TBX1: variants seen among roughly 807,000 people sequenced by gnomAD.
TBX1 encodes the protein T-box transcription factor 1.
A neutral mutation model predicts 40.8 loss-of-function variants in TBX1; 16 were observed. The observed-to-expected ratio is 0.39, with a 90% CI of 0.27 to 0.60. The LOEUF (loss-of-function observed/expected upper bound fraction) is 0.60, where lower values mean the gene tolerates loss of function less well. Among genes scored for constraint, TBX1 ranks in the 20% least tolerant of loss-of-function variants. The pLI, the probability that TBX1 is intolerant of heterozygous loss-of-function variation, is 0.51. For synonymous variants in TBX1, 403 were observed against 336.8 expected (o/e 1.20, Z -2.15); for missense variants, 755 against 728.5 (o/e 1.04, Z -0.42).
At chr22:19,777,167 C>G (rs1021476476) in intron 8 of TBX1, among the ~76,000 whole-genome samples, 1 of 151,932 alleles carries the variant, frequency 6.6e-6, no homozygotes, top group Non-Finnish European at 1.5e-5. Flanking sequence ...CCTATTAACT[C>G]GTCATTTAGC....
intron 3 of TBX1, 144 bp from the exon 4 acceptor site, chr22:19,764,814 C>A: frequency 9.8e-7 from 1 of 1,019,244 alleles, no homozygotes; most frequent in Non-Finnish European, 1.5e-6. Flanking sequence ...CCCAGTGACC[C>A]AGCCTCATCT....
At chr22:19,780,959 G>A (rs41298032), downstream of TBX1, among the ~76,000 whole-genome samples, 2,576 of 151,744 alleles carry the variant, frequency 0.017, 54 homozygotes, top group African/African-American at 0.054. Context: ...ATTTTTTGTA[G>A]TTTTAGTAGA....
chr22:19,760,502 C>T (rs1247086677), upstream of TBX1, among the ~76,000 whole-genome samples: 3 of 145,474 alleles, frequency 2.1e-5, no homozygotes, highest in East Asian at 6.1e-4. Flanking sequence ...CGCACGCGGG[C>T]GGGCGGCAGA....
upstream of TBX1, among the ~76,000 whole-genome samples, chr22:19,760,560 G>A (rs887116736): frequency 2.1e-5 from 3 of 140,758 alleles, no homozygotes; most frequent in African/African-American, 7.7e-5. Flanking sequence ...CGGTCCGGGC[G>A]GTCGGGGGGC....
Position 19,760,938 on chromosome 22 carries a change from C to A in TBX1, c.95C>A (p.Ala32Asp). ...FTASSLSSLG[A>D]AGGFPGAASP... ...GCCAGCAGCCTGAGCAGCCTGGGGGCCGCGGGGGGCTTCCCGGGCGCCGCG... is the reference window on the plus strand; with the variant it reads ...GCCAGCAGCCTGAGCAGCCTGGGGGACGCGGGGGGCTTCCCGGGCGCCGCG... The change falls in exon 1 of 7, where the codon GCC (alanine) becomes GAC (aspartate). Residue 32 changes from alanine to aspartate, a missense_variant. Physicochemically the swap from Ala to Asp is moderately radical, Grantham distance 126. Coordinates refer to ENST00000649276, the MANE Select transcript of TBX1 (RefSeq NM_001379200.1). 9.9e-7 allele frequency: 1 copy of A among 1,013,582 alleles called. No individual in the cohort carries two copies. The highest frequency in any genetic ancestry group is 3.4e-5 in the South Asian group (1 of 29,834). 62.8% of individuals were successfully genotyped at this position (1,013,582 alleles called of 1,614,324 possible).
chr22:19,762,968 T>C (rs906613627), intron 1 of TBX1, among the ~76,000 whole-genome samples: 5 of 152,164 alleles, frequency 3.3e-5, no homozygotes, highest in African/African-American at 1.2e-4. Flanking sequence ...TAGGCCAAGG[T>C]TGCCGAAGGT....
At chr22:19,772,395 T>C (rs1473042092) in intron 8 of TBX1, among the ~76,000 whole-genome samples, 1 of 152,234 alleles carries the variant, frequency 6.6e-6, no homozygotes, top group Non-Finnish European at 1.5e-5. Context: ...AGCCTCGAAC[T>C]CCGGGGCTCA....
At position 19,763,756 on chromosome 22, in the gene TBX1, G is replaced by T. The variant is rs1440091186; in HGVS notation, c.540-399G>T. 2.0e-5 allele frequency: 8 copies of T among 395,470 alleles called. No homozygotes were observed. In the East Asian group the frequency reaches 4.1e-4, roughly 20 times the overall value. The allele number at this position is 395,470 out of a possible 1,614,324, so 24.5% of individuals were successfully genotyped here. On this transcript the variant is annotated intron_variant, in intron 2 of 6. Transcript: ENST00000649276. ...GTGGCCAGGAGAGATTATGCAGGGCGGGCCTCAGCTGCCCGGACAATTAAC... is the reference window on the plus strand; with the variant it reads ...GTGGCCAGGAGAGATTATGCAGGGCTGGCCTCAGCTGCCCGGACAATTAAC...
downstream of TBX1, chr22:19,767,340 C>G (rs931505442): frequency 1.1e-5 from 11 of 988,256 alleles, no homozygotes; most frequent in African/African-American, 1.6e-4. Context: ...TGGAAGCCGC[C>G]TGCGTGTCCA....
chr22:19,765,420 A>C lies in TBX1; in HGVS notation c.867+307A>C, dbSNP rs41298830. 0.19 allele frequency among the ~76,000 whole-genome samples: 28,214 copies of C among 152,150 alleles called. 3,538 individuals are homozygous for C. The highest frequency in any genetic ancestry group is 0.48 in the East Asian group (2,485 of 5,134). ...GCCTGATCTGAGGTTTACCCAGATT[A>C]CTAGGGAACCCGCTCTGTTCCCCAC... On this transcript the variant is annotated intron_variant, in intron 4 of 6. Transcript: ENST00000649276.
At chr22:19,759,504 G>A (rs1292256920), upstream of TBX1, 21 of 1,500,268 alleles carry the variant, frequency 1.4e-5, no homozygotes, top group Non-Finnish European at 1.7e-5. Flanking sequence ...ATGGACGCGC[G>A]GAGCCCGCTG....
downstream of TBX1, among the ~76,000 whole-genome samples, chr22:19,767,938 G>C (rs552547091): frequency 6.6e-5 from 10 of 152,364 alleles, no homozygotes; most frequent in South Asian, 2.1e-3. Context: ...CCTACGGAGT[G>C]ACCTGGCCAG....
intron 1 of TBX1, 149 bp downstream of exon 1, chr22:19,761,429 T>C: frequency 1.7e-6 from 2 of 1,192,274 alleles, no homozygotes; most frequent in Non-Finnish European, 1.1e-6. Flanking sequence ...CGCTGCCTCC[T>C]TCGCTGTTCG....
chr22:19,782,071 A>C (rs1937148114), downstream of TBX1, among the ~76,000 whole-genome samples: 1 of 152,214 alleles, frequency 6.6e-6, no homozygotes, highest in Admixed American at 6.5e-5. Flanking sequence ...CTTTATAGTA[A>C]ATTTTGAAAC....
chr22:19,778,464 C>T (rs1165528064), intron 8 of TBX1, among the ~76,000 whole-genome samples: 5 of 144,162 alleles, frequency 3.5e-5, no homozygotes, highest in South Asian at 4.5e-4. Context: ...GACGGAGTTT[C>T]GTTCTGGTTG....
chr22:19,757,318 G>T (rs944762941), upstream of TBX1, among the ~76,000 whole-genome samples: 1 of 152,050 alleles, frequency 6.6e-6, no homozygotes, highest in African/African-American at 2.4e-5. Flanking sequence ...GGGTTAATGG[G>T]GGCTGGAAGG....
At chr22:19,758,626 ATGTCCTCG>A (rs1319004378), upstream of TBX1, among the ~76,000 whole-genome samples, 1 of 152,164 alleles carries the variant, frequency 6.6e-6, no homozygotes, top group South Asian at 2.1e-4. Flanking sequence ...GTTCTCCAAC[ATGTCCTCG>A]TGTCCTCGGC....
At chr22:19,765,242 C>G (rs1936792662) in intron 4 of TBX1, 129 bp downstream of exon 4, 2 of 1,396,458 alleles carry the variant, frequency 1.4e-6, no homozygotes, top group African/African-American at 1.4e-5. Context: ...GAGCCCAACC[C>G]AACTGGAGCC....
At chr22:19,767,923 G>A (rs1936916895), downstream of TBX1, among the ~76,000 whole-genome samples, 1 of 152,242 alleles carries the variant, frequency 6.6e-6, no homozygotes, top group African/African-American at 2.4e-5. Flanking sequence ...TTTGCTGTGA[G>A]TGTCCCTACG....
Sources: allele counts gnomAD v4.1 joint callset (sites outside exome capture counted in the v4.1 genomes callset), GRCh38; gene constraint gnomAD v4.1.1; transcripts MANE v1.5; gene names NCBI Gene and HGNC (gene_info 2026-07-23, HGNC 2026-07-21).